ETV1: variants seen among roughly 807,000 people sequenced by gnomAD.
The protein encoded by ETV1 is ETS variant transcription factor 1.
ETV1 carries 27 observed loss-of-function variants against 62.3 expected under a neutral mutation model. That is an observed-to-expected ratio of 0.43 (90% CI 0.32 to 0.60). ETV1 has a LOEUF of 0.60. Among genes scored for constraint, ETV1 ranks in the 20% least tolerant of loss-of-function variants. ETV1 has a pLI of 0.06. For synonymous variants in ETV1, 222 were observed against 199.6 expected (o/e 1.11, Z -0.94); for missense variants, 605 against 605.8 (o/e 1.00, Z 0.01).
chr7:13,923,470 A>G (rs914923403), intron 9 of ETV1, among the ~76,000 whole-genome samples: 5 of 152,248 alleles, frequency 3.3e-5, no homozygotes, highest in African/African-American at 1.2e-4. Context: ...GCTTGGGCCT[A>G]TGTGAATAGC....
Position 13,981,004 on chromosome 7 carries a change from A to C in ETV1, c.182-3524T>G, listed in dbSNP as rs538326303. On this transcript the variant is annotated intron_variant, in intron 5 of 13. Transcript: ENST00000430479. ...TCAAATGAAATAATAATCATTACTT[A>C]AGAAAAAGTAAGCGATGAAAAAGTT... Among the ~76,000 whole-genome samples the C allele has an allele frequency of 4.6e-5, 7 of 152,220 alleles. No homozygotes were observed. The South Asian group carries it at 1.4e-3, about 32-fold the overall frequency.
Position 13,893,388 on chromosome 7 carries a change from T to G in ETV1, c.*2478A>C, listed in dbSNP as rs1781510795. ...TTTTAGATACATTTTTCAAAAGAGTTTATAATGTAATATTTTCAACCCTTC... is the reference window on the plus strand; with the variant it reads ...TTTTAGATACATTTTTCAAAAGAGTGTATAATGTAATATTTTCAACCCTTC... On this transcript the variant is annotated 3_prime_UTR_variant, in exon 14 of 14. Transcript: ENST00000430479. The G allele has an allele frequency of 4.3e-6, 1 of 230,892 alleles. No homozygotes were observed. The highest frequency in any genetic ancestry group is 5.6e-5 in the Admixed American group (1 of 17,704). 14.3% of individuals were successfully genotyped at this position (230,892 alleles called of 1,614,324 possible).
chr7:13,925,470 TACA>T (rs1051422875), intron 9 of ETV1, among the ~76,000 whole-genome samples: 2 of 152,208 alleles, frequency 1.3e-5, no homozygotes, highest in African/African-American at 4.8e-5. Flanking sequence ...CATTTACGCT[TACA>T]ACGTGTGAGA....
At chr7:13,897,017 T>G (rs944000665) in intron 13 of ETV1, among the ~76,000 whole-genome samples, 1 of 152,120 alleles carries the variant, frequency 6.6e-6, no homozygotes, top group Admixed American at 6.6e-5. Context: ...AGAAGTAGCA[T>G]AATTTATAGG....
At chr7:13,913,971 G>A (rs560719507) in intron 9 of ETV1, among the ~76,000 whole-genome samples, 3 of 132,452 alleles carry the variant, frequency 2.3e-5, no homozygotes, top group Admixed American at 9.0e-5. Flanking sequence ...TGCAAGCTCC[G>A]CCTCCCGGCT....
chr7:13,900,922 C>G, intron 12 of ETV1, 83 bp from the exon 13 acceptor site: 1 of 885,384 alleles, frequency 1.1e-6, no homozygotes, highest in Non-Finnish European at 1.7e-6. Context: ...TAATTACTTC[C>G]AAACCCACAA....
chr7:13,930,145 A>G (rs1326531197), intron 9 of ETV1, among the ~76,000 whole-genome samples: 1 of 152,214 alleles, frequency 6.6e-6, no homozygotes, highest in Non-Finnish European at 1.5e-5. Flanking sequence ...TTACAGGTAC[A>G]TGGTAACCTT....
chr7:13,901,912 A>G (rs1262719901), intron 12 of ETV1, among the ~76,000 whole-genome samples: 2 of 152,166 alleles, frequency 1.3e-5, no homozygotes, highest in Non-Finnish European at 1.5e-5. Flanking sequence ...GGAGCAATGT[A>G]TCTAAGAGTT....
intron 5 of ETV1, among the ~76,000 whole-genome samples, chr7:13,978,086 T>C (rs1781628097): frequency 6.6e-6 from 1 of 152,186 alleles, no homozygotes; most frequent in Non-Finnish European, 1.5e-5. Flanking sequence ...TCAAAGATTA[T>C]ATTCACATTA....
intron 9 of ETV1, among the ~76,000 whole-genome samples, chr7:13,913,472 T>C (rs976753076): frequency 9.9e-5 from 15 of 152,146 alleles, no homozygotes; most frequent in African/African-American, 3.6e-4. Context: ...GGAATAATAA[T>C]AATAATGACA....
At chr7:13,969,922 T>G (rs1780697273) in intron 6 of ETV1, among the ~76,000 whole-genome samples, 1 of 152,082 alleles carries the variant, frequency 6.6e-6, no homozygotes, top group African/African-American at 2.4e-5. Context: ...ATAATTTTAT[T>G]TGCACTTTTT....
upstream of ETV1, chr7:13,989,820 T>G: frequency 7.8e-6 from 3 of 382,530 alleles, no homozygotes; most frequent in Non-Finnish European, 1.4e-5. Flanking sequence ...TTCCCGCGGG[T>G]CTCCCTCGCC....
In ETV1 at chr7:13,989,271, G is replaced by C; in HGVS notation, c.-91C>G. 1 of 543,334 alleles carries C rather than the reference G, an allele frequency of 1.8e-6. No individual in the cohort carries two copies. Among genetic ancestry groups the C allele is most frequent in the South Asian group, 2.6e-5 (1 of 38,786 alleles). 33.7% of individuals were successfully genotyped at this position (543,334 alleles called of 1,614,324 possible). A position where few individuals can be genotyped will look rare whatever the true frequency, so the allele number is the denominator to read the frequency against. ...CTCCCTACACCGCCTCCTTCACCTGGATCCAAAGAGAGCCAACAGAGTTCA... is the reference window on the plus strand; with the variant it reads ...CTCCCTACACCGCCTCCTTCACCTGCATCCAAAGAGAGCCAACAGAGTTCA... On this transcript the variant is annotated 5_prime_UTR_variant, in exon 2 of 14. It adds an upstream start codon to the 5' untranslated region. Transcript: ENST00000430479.
intron 9 of ETV1, among the ~76,000 whole-genome samples, chr7:13,926,333 C>T (rs1344521444): frequency 6.6e-6 from 1 of 151,992 alleles, no homozygotes; most frequent in Non-Finnish European, 1.5e-5. Context: ...TGTAAGATAT[C>T]AAAAAGTAAA....
intron 9 of ETV1, among the ~76,000 whole-genome samples, chr7:13,929,212 A>T (rs1785796637): frequency 6.6e-6 from 1 of 152,176 alleles, no homozygotes; most frequent in Non-Finnish European, 1.5e-5. Context: ...AGGGTTCTTA[A>T]TTAGAGACAC....
At chr7:13,981,047 G>A (rs1198780789) in intron 5 of ETV1, among the ~76,000 whole-genome samples, 2 of 151,176 alleles carry the variant, frequency 1.3e-5, no homozygotes, top group Admixed American at 1.3e-4. Flanking sequence ...TTGGCTGCAG[G>A]GAAGCGAAAA....
chr7:13,963,318 T>A (rs933792465), intron 6 of ETV1, among the ~76,000 whole-genome samples: 9 of 152,084 alleles, frequency 5.9e-5, no homozygotes, highest in African/African-American at 2.2e-4. Flanking sequence ...ACGGTAAGAA[T>A]TTAACCAACA....
chr7:13,940,754 C>T (rs1333677242), intron 6 of ETV1, among the ~76,000 whole-genome samples: 1 of 152,136 alleles, frequency 6.6e-6, no homozygotes, highest in Non-Finnish European at 1.5e-5. Flanking sequence ...TATAAACTTG[C>T]ATTAGCTTGA....
chr7:13,931,449 C>A, intron 9 of ETV1, 53 bp downstream of exon 9: 2 of 1,607,334 alleles, frequency 1.2e-6, no homozygotes, highest in Non-Finnish European at 8.5e-7. Context: ...ACCAATGTGA[C>A]AAGGGAGGTG....
Sources: gnomAD v4.1 joint callset for allele counts (sites outside exome capture counted in the v4.1 genomes callset) on GRCh38, gnomAD v4.1.1 for gene constraint, MANE v1.5 for transcripts, NCBI Gene and HGNC (gene_info 2026-07-23, HGNC 2026-07-21) for gene names.